The following SUMF1 variants were observed in gnomAD, a reference collection of about 807,000 sequenced individuals.
SUMF1 encodes the protein formylglycine-generating enzyme.
SUMF1 carries 48 observed loss-of-function variants against 47.6 expected under a neutral mutation model. The ratio of observed to expected loss-of-function variants is 1.01; its 90% CI spans 0.80 to 1.28. SUMF1 has a LOEUF of 1.28. SUMF1 is among the 50% of genes most tolerant of loss of function. The probability of loss-of-function intolerance (pLI) is 0.00; values close to 1 mark genes in which losing one functional copy is unlikely to be tolerated. For synonymous variants in SUMF1, 230 were observed against 192.1 expected, an observed-to-expected ratio of 1.20 and a Z score of -1.63; for missense variants, 571 against 485.4, an observed-to-expected ratio of 1.18 and a Z score of -1.66.
intron 8 of SUMF1, among the ~76,000 whole-genome samples, chr3:4,089,918 A>G (rs931557502): frequency 6.6e-6 from 1 of 152,116 alleles, no homozygotes; most frequent in African/African-American, 2.4e-5. Flanking sequence ...TTTGATCTAC[A>G]TACTCATGGA....
chr3:4,237,819 TGTACAGAAAGTGCATG>T (rs1696442082), intron 8 of SUMF1, among the ~76,000 whole-genome samples: 1 of 152,160 alleles, frequency 6.6e-6, no homozygotes, highest in Non-Finnish European at 1.5e-5. Flanking sequence ...CTGGGATACA[TGTACAGAAAGTGCATG>T]TTTGTTACAT....
chr3:4,259,014 C>CA (rs1458166673), intron 8 of SUMF1, among the ~76,000 whole-genome samples: 1 of 149,000 alleles, frequency 6.7e-6, no homozygotes, highest in Non-Finnish European at 1.5e-5. Flanking sequence ...ATCGCAAGAA[C>CA]AAAAAACCAA....
At chr3:4,141,719 A>G (rs1694075166) in intron 8 of SUMF1, among the ~76,000 whole-genome samples, 1 of 152,132 alleles carries the variant, frequency 6.6e-6, no homozygotes, top group Non-Finnish European at 1.5e-5. Flanking sequence ...TTGCACTTTT[A>G]TGGCACTTCA....
chr3:4,273,788 G>A (rs574120597), intron 8 of SUMF1, among the ~76,000 whole-genome samples: 4 of 131,534 alleles, frequency 3.0e-5, no homozygotes, highest in African/African-American at 1.2e-4. Flanking sequence ...GGAGGATACG[G>A]GAGGGGAGGG....
At chr3:4,154,783 G>C (rs1281933607) in intron 8 of SUMF1, among the ~76,000 whole-genome samples, 1 of 151,526 alleles carries the variant, frequency 6.6e-6, no homozygotes, top group Non-Finnish European at 1.5e-5. Context: ...TGCATTGTAG[G>C]AGGAAAGATG....
chr3:4,464,829 G>C (rs1456568828), intron 1 of SUMF1, among the ~76,000 whole-genome samples: 3 of 152,204 alleles, frequency 2.0e-5, no homozygotes, highest in Admixed American at 6.5e-5. Flanking sequence ...TTGAAGGCTT[G>C]AAGGTATATT....
intron 8 of SUMF1, among the ~76,000 whole-genome samples, chr3:4,179,967 A>C (rs959631015): frequency 2.0e-5 from 3 of 152,212 alleles, no homozygotes; most frequent in African/African-American, 7.2e-5. Flanking sequence ...TGGTCATTAG[A>C]GAAACACAAA....
chr3:4,341,815 C>A (rs1349956643), intron 8 of SUMF1, among the ~76,000 whole-genome samples: 1 of 152,180 alleles, frequency 6.6e-6, no homozygotes, highest in Non-Finnish European at 1.5e-5. Context: ...CTCACCTAGA[C>A]ACTGTCACAA....
chr3:4,233,411 T>C (rs1696344094), intron 8 of SUMF1, among the ~76,000 whole-genome samples: 1 of 152,108 alleles, frequency 6.6e-6, no homozygotes, highest in Admixed American at 6.6e-5. Context: ...GCCGTTTTCA[T>C]TTTTAATATA....
At chr3:4,084,062 G>C (rs1305124146) in intron 8 of SUMF1, among the ~76,000 whole-genome samples, 1 of 152,092 alleles carries the variant, frequency 6.6e-6, no homozygotes, top group Non-Finnish European at 1.5e-5. Context: ...TGGAGGAAAT[G>C]ACACTTTTTA....
chr3:4,154,858 C>G (rs759020093), intron 8 of SUMF1, among the ~76,000 whole-genome samples: 16 of 151,506 alleles, frequency 1.1e-4, no homozygotes, highest in Non-Finnish European at 1.9e-4. Flanking sequence ...ATCAAAATTA[C>G]AGCTTTTTTT....
At chr3:4,409,969 T>A (rs1196602685) in intron 7 of SUMF1, among the ~76,000 whole-genome samples, 1 of 152,234 alleles carries the variant, frequency 6.6e-6, no homozygotes, top group Non-Finnish European at 1.5e-5. Flanking sequence ...TTCTTTATCA[T>A]TACCCTTTGA....
chr3:4,374,418 G>C lies in SUMF1; in HGVS notation c.1014+1912C>G, dbSNP rs537880217. ...TAGGAGTTTAAAAGATATTTTTAAA[G>C]AATCTACTGGGAAGCTTATAAAAAT... On this transcript the variant is annotated intron_variant, in intron 8 of 8. Transcript: ENST00000272902. 5.9e-5 allele frequency among the ~76,000 whole-genome samples: 9 copies of C among 152,210 alleles called. No individual in the cohort carries two copies. In the South Asian group the frequency reaches 1.7e-3, roughly 28 times the overall value.
At position 4,146,973 on chromosome 3, in the gene SUMF1, T is replaced by C. The variant is rs529920599; in HGVS notation, c.1015-78228A>G. On this transcript the variant is annotated intron_variant and NMD_transcript_variant, in intron 8 of 12. Coordinates refer to the SUMF1 transcript ENST00000448413. ...TGGCTTGGTTCCAAGTCTTTGCTAT[T>C]GTGAATACAAACAACCCCATCAAAA... Among the ~76,000 whole-genome samples, 75 of 152,188 alleles carry C rather than the reference T, an allele frequency of 4.9e-4. 2 individuals carry two copies. The highest frequency in any genetic ancestry group is 7.4e-5 in the Non-Finnish European group (5 of 68,018).
chr3:4,423,730 G>A (rs1224865770), intron 3 of SUMF1, among the ~76,000 whole-genome samples: 2 of 152,098 alleles, frequency 1.3e-5, no homozygotes, highest in Admixed American at 6.5e-5. Flanking sequence ...AATATTGGAG[G>A]TGGCGCCTGG....
intron 8 of SUMF1, among the ~76,000 whole-genome samples, chr3:4,330,119 C>T (rs1575103520): frequency 1.3e-5 from 2 of 152,322 alleles, no homozygotes; most frequent in Admixed American, 1.3e-4. Context: ...GTTCATATCA[C>T]TATCAGCATT....
At chr3:4,068,285 A>AC (rs5846309) in intron 9 of SUMF1, among the ~76,000 whole-genome samples, 38,146 of 151,978 alleles carry the variant, frequency 0.25, 5,279 homozygotes, top group Admixed American at 0.31. Context: ...AGATGGCTTC[A>AC]CCCCCAATCC....
chr3:4,436,820 T>A (rs1453650239), intron 3 of SUMF1, among the ~76,000 whole-genome samples: 9 of 137,984 alleles, frequency 6.5e-5, no homozygotes, highest in Non-Finnish European at 1.4e-4. Flanking sequence ...AGACAGGAGA[T>A]AACCTTAAAA....
chr3:4,419,805 A>G (rs1701830773), intron 4 of SUMF1, among the ~76,000 whole-genome samples: 1 of 152,228 alleles, frequency 6.6e-6, no homozygotes, highest in South Asian at 2.1e-4. Context: ...GAGCAGGGAA[A>G]CTGGGAAGAG....
Sources: gnomAD v4.1 joint callset for allele counts (sites outside exome capture counted in the v4.1 genomes callset) on GRCh38, gnomAD v4.1.1 for gene constraint, MANE v1.5 for transcripts, NCBI Gene and HGNC (gene_info 2026-07-23, HGNC 2026-07-21) for gene names.